The following CADM1 variants were observed in gnomAD, a reference collection of about 807,000 sequenced individuals.
CADM1 encodes cell adhesion molecule 1, also known as TSLC-1.
A neutral mutation model predicts 53.1 loss-of-function variants in CADM1; 15 were observed. That is an observed-to-expected ratio of 0.28 (90% confidence interval 0.19 to 0.44). CADM1 has a LOEUF of 0.44. Among genes scored for constraint, CADM1 ranks in the 20% least tolerant of loss-of-function variants. CADM1 has a pLI of 1.00. For missense variants in CADM1, 434 were observed against 611.3 expected, an observed-to-expected ratio of 0.71 and a Z score of 3.06; for synonymous variants, 281 against 243.0, an observed-to-expected ratio of 1.16 and a Z score of -1.45.
At chr11:115,206,784 T>TTTTTTTTTTTTTTTC in intron 8 of CADM1, among the ~76,000 whole-genome samples, 1 of 137,528 alleles carries the variant, frequency 7.3e-6, no homozygotes, top group Non-Finnish European at 1.5e-5. Flanking sequence ...TTTTTTTTTT[T>TTTTTTTTTTTTTTTC]TTTTTAAGCT....
At chr11:115,292,850 T>C (rs765615082) in intron 1 of CADM1, among the ~76,000 whole-genome samples, 1 of 152,216 alleles carries the variant, frequency 6.6e-6, no homozygotes, top group Non-Finnish European at 1.5e-5. Context: ...GTTAGAAATA[T>C]TGTTTTCTTT....
At chr11:115,279,117 C>T (rs1943520901) in intron 1 of CADM1, among the ~76,000 whole-genome samples, 1 of 152,146 alleles carries the variant, frequency 6.6e-6, no homozygotes, top group Non-Finnish European at 1.5e-5. Context: ...TAAGACGATC[C>T]TGTCCCTAAG....
intron 1 of CADM1, among the ~76,000 whole-genome samples, chr11:115,287,994 G>T (rs1164705041): frequency 1.3e-5 from 2 of 152,198 alleles, no homozygotes; most frequent in African/African-American, 4.8e-5. Context: ...GGGGCAGTGT[G>T]TGGGGAGGCT....
chr11:115,441,657 C>T (rs937482362), intron 1 of CADM1, among the ~76,000 whole-genome samples: 9 of 152,094 alleles, frequency 5.9e-5, no homozygotes, highest in African/African-American at 2.2e-4. Context: ...CACTTGGATG[C>T]TACAGGCTAA....
chr11:115,446,544 A>T (rs2135337932), intron 1 of CADM1, among the ~76,000 whole-genome samples: 1 of 152,334 alleles, frequency 6.6e-6, no homozygotes, highest in African/African-American at 2.4e-5. Flanking sequence ...CCCTTTATAG[A>T]TTAAAGAATG....
At chr11:115,199,133 C>T (rs1200040209) in intron 8 of CADM1, among the ~76,000 whole-genome samples, 1 of 152,176 alleles carries the variant, frequency 6.6e-6, no homozygotes, top group African/African-American at 2.4e-5. Flanking sequence ...CACATCCATT[C>T]TTCACTCTAA....
intron 1 of CADM1, among the ~76,000 whole-genome samples, chr11:115,267,173 A>C (rs1242590151): frequency 3.3e-5 from 5 of 152,246 alleles, no homozygotes; most frequent in African/African-American, 1.2e-4. Context: ...AAGAAAGTTC[A>C]AAGCAAAATT....
chr11:115,209,760 G>A (rs953791604), intron 7 of CADM1, 103 bp from the exon 8 acceptor site: 2 of 1,413,942 alleles, frequency 1.4e-6, no homozygotes, highest in Admixed American at 3.9e-5. Flanking sequence ...TTTGTTTGAT[G>A]GCTTCCCCCT....
intron 1 of CADM1, among the ~76,000 whole-genome samples, chr11:115,488,965 G>A (rs1949436027): frequency 6.6e-6 from 1 of 152,156 alleles, no homozygotes; most frequent in African/African-American, 2.4e-5. Flanking sequence ...ATTTCCGTAT[G>A]TTCACCATGC....
At chr11:115,354,081 C>G (rs556166748) in intron 1 of CADM1, among the ~76,000 whole-genome samples, 3 of 152,162 alleles carry the variant, frequency 2.0e-5, no homozygotes, top group South Asian at 4.2e-4. Flanking sequence ...CTCTGCTGAT[C>G]TGGAAGCAGA....
intron 1 of CADM1, among the ~76,000 whole-genome samples, chr11:115,471,154 AT>A (rs765690650): frequency 6.6e-6 from 1 of 151,862 alleles, no homozygotes. Flanking sequence ...TGACAGTTAA[AT>A]TTTTTTTTCT....
intron 1 of CADM1, among the ~76,000 whole-genome samples, chr11:115,380,053 C>CATTGT (rs1296036090): frequency 6.6e-6 from 1 of 152,126 alleles, no homozygotes; most frequent in African/African-American, 2.4e-5. Context: ...CCTTAAAAGA[C>CATTGT]ATTGTATTCC....
intron 1 of CADM1, among the ~76,000 whole-genome samples, chr11:115,287,012 A>T (rs1943745692): frequency 6.6e-6 from 1 of 152,220 alleles, no homozygotes; most frequent in African/African-American, 2.4e-5. Context: ...CAAAATCAAT[A>T]AAAGAGAAGT....
intron 1 of CADM1, among the ~76,000 whole-genome samples, chr11:115,346,325 T>C (rs944561996): frequency 6.6e-6 from 1 of 152,196 alleles, no homozygotes; most frequent in Non-Finnish European, 1.5e-5. Context: ...ATTAACCTAC[T>C]GGGGTAAAAT....
chr11:115,237,071 G>A (rs1252217791), intron 3 of CADM1, among the ~76,000 whole-genome samples: 1 of 152,118 alleles, frequency 6.6e-6, no homozygotes. Context: ...TGGATGAGTG[G>A]ATAGTCAATT....
intron 1 of CADM1, among the ~76,000 whole-genome samples, chr11:115,294,190 C>G (rs1943985625): frequency 6.6e-6 from 1 of 152,076 alleles, no homozygotes. Context: ...TGACCCCTAC[C>G]ACACCCCTCT....
intron 1 of CADM1, among the ~76,000 whole-genome samples, chr11:115,451,489 A>G (rs180939217): frequency 6.6e-6 from 1 of 152,222 alleles, no homozygotes; most frequent in Non-Finnish European, 1.5e-5. Context: ...TCCCAGGCGA[A>G]AAAGGACATA....
intron 1 of CADM1, among the ~76,000 whole-genome samples, chr11:115,276,302 A>C (rs933223044): frequency 2.0e-5 from 3 of 152,210 alleles, no homozygotes; most frequent in African/African-American, 7.2e-5. Context: ...AACACCTATA[A>C]ATCGAGGAAC....
intron 1 of CADM1, among the ~76,000 whole-genome samples, chr11:115,373,802 C>T (rs1239455729): frequency 6.6e-6 from 1 of 152,014 alleles, no homozygotes; most frequent in Non-Finnish European, 1.5e-5. Context: ...AGCTTTACCT[C>T]CCAGAAACTA....
Sources: gnomAD v4.1 joint callset for allele counts (sites outside exome capture counted in the v4.1 genomes callset) on GRCh38, gnomAD v4.1.1 for gene constraint, MANE v1.5 for transcripts, NCBI Gene and HGNC (gene_info 2026-07-23, HGNC 2026-07-21) for gene names.